Variants in FTSJ3 observed in about 807,000 individuals in gnomAD.
The protein encoded by FTSJ3 is FtsJ RNA 2'-O-methyltransferase 3.
In FTSJ3, 46 loss-of-function variants were observed where a neutral mutation model predicts 111.5. The ratio of observed to expected loss-of-function variants is 0.41; its 90% CI spans 0.33 to 0.53. The LOEUF is 0.53. FTSJ3 is among the 20% of genes least tolerant of loss of function. The pLI is 0.19. For synonymous variants in FTSJ3, 408 were observed against 383.0 expected (o/e 1.07, Z -0.76); for missense variants, 1,075 against 1,063.8 (o/e 1.01, Z -0.15).
At position 63,825,081 on chromosome 17, in the gene FTSJ3, G is replaced by C. The variant is rs779682028; in HGVS notation, c.678C>G (p.Thr226=). 6.2e-7 allele frequency: 1 copy of C among 1,614,088 alleles called. No individual in the cohort carries two copies. The highest frequency in any genetic ancestry group is 1.1e-5 in the South Asian group (1 of 91,078). The stretch of plus-strand genomic sequence containing the variant: ...TCTTCTTAGTAACCAATTCAGTAAC[G>C]GTCTTAGCCTGAACTTCAACCTCCT... ...AFKEVEVQAK[T]VTELVTKKKP... Residue 226 remains threonine, a synonymous_variant, in exon 8 of 21, where the codon ACC becomes ACG. Coordinates refer to ENST00000427159, the MANE Select transcript of FTSJ3 (RefSeq NM_017647.4).
rs778863367 is a variant in FTSJ3 at position 63,826,064 on chromosome 17, A to G, written c.292T>C (p.Cys98Arg). The change falls in exon 5 of 21, where the codon TGT becomes CGT. Residue 98 changes from cysteine (C) to arginine (R), a missense_variant. Around this residue, in one of 2 missense-constraint regions of FTSJ3, gnomAD observed 208 missense variants for 266.9 expected, o/e 0.78. Coordinates refer to ENST00000427159, the MANE Select transcript of FTSJ3 (RefSeq NM_017647.4). Reference protein sequence around the residue: ...TLQQDITTERCRQALRKELKT... With the variant: ...TLQQDITTERRRQALRKELKT... ...AGAGAGACTCCTATTACCTGCCTAC[A>G]ACGTTCTGTTGTGATGTCCTGCTGG... is the stretch of plus-strand genomic sequence containing the variant. 6.2e-7 allele frequency: 1 copy of G among 1,611,714 alleles called. No individual in the cohort carries two copies. The highest frequency in any genetic ancestry group is 8.5e-7 in the Non-Finnish European group (1 of 1,177,998).
chr17:63,819,705 G>C lies in FTSJ3; in HGVS notation c.*97C>G. 8.7e-7 allele frequency: 1 copy of C among 1,143,880 alleles called. No homozygotes were observed. Among genetic ancestry groups the C allele is most frequent in the Admixed American group, 2.2e-5 (1 of 44,690 alleles). The allele number at this position is 1,143,880 out of a possible 1,614,324, so 70.9% of individuals were successfully genotyped here. A position where few individuals can be genotyped will look rare whatever the true frequency, so the allele number is the denominator to read the frequency against. On this transcript the variant is annotated 3_prime_UTR_variant, in exon 21 of 21. Transcript: ENST00000427159. ...ACTGTTCTTCAGACAGCTGTGATGT[G>C]AGCAGGGGCTAGGCCGGTAATCAAG...
chr17:63,820,189 T>A lies in FTSJ3; in HGVS notation c.2257-16A>T, dbSNP rs2144601428. 7 of 1,613,988 alleles carry A rather than the reference T, an allele frequency of 4.3e-6. No individual in the cohort carries two copies. Among genetic ancestry groups the A allele is most frequent in the Non-Finnish European group, 5.9e-6 (7 of 1,179,944 alleles). On this transcript the variant is annotated splice_polypyrimidine_tract_variant and intron_variant, in intron 19 of 20. Coordinates refer to ENST00000427159, the MANE Select transcript of FTSJ3 (RefSeq NM_017647.4). ...TCTTCAGCATCTGCAAAGGAACCTG[T>A]CAGGTGACCTCTTCCCCATCCCCCC...
chr17:63,827,364 T>C lies in FTSJ3; in HGVS notation c.-339A>G, dbSNP rs2665834. The C allele has an allele frequency of 0.64, 838,928 of 1,321,048 alleles. 270,744 individuals carry two copies. The highest frequency in any genetic ancestry group is 0.9 in the African/African-American group (62,000 of 68,554). 81.8% of individuals were successfully genotyped at this position (1,321,048 alleles called of 1,614,324 possible). On this transcript the variant is annotated 5_prime_UTR_variant, in exon 1 of 21. Transcript: ENST00000427159. ...TCCCATCATGGTTCCCTTAGTGTGG[T>C]CTCGCCGCACACCCCGCCCATTGAC...
At position 63,826,793 on chromosome 17, in the gene FTSJ3, G is replaced by A. The variant is rs373960403; in HGVS notation, c.67+43C>T. ...TCGCAAAGAGCAGGCGAACCGGGCA[G>A]AGATCGCTCGCTCGCTCGCAGACTG... On this transcript the variant is annotated intron_variant, in intron 2 of 20. Transcript: ENST00000427159. 8 of 1,601,270 alleles carry A rather than the reference G, an allele frequency of 5.0e-6. No homozygotes were observed. In the African/African-American group the frequency reaches 9.4e-5, roughly 19 times the overall value.
At position 63,820,937 on chromosome 17, in the gene FTSJ3, C is replaced by G. The variant is rs749932773; in HGVS notation, c.1974G>C (p.Ala658=). The G allele has an allele frequency of 6.2e-7, 1 of 1,613,974 alleles. No homozygotes were observed. The highest frequency in any genetic ancestry group is 1.1e-5 in the South Asian group (1 of 91,082). The change falls in exon 18 of 21, where the codon GCG becomes GCC. Residue 658 remains alanine (A), a splice_region_variant and synonymous_variant. Transcript: ENST00000427159. The stretch of plus-strand genomic sequence containing the variant: ...CTTCGGGGTCCAGTATCCGATGTTT[C>G]GCTAGAGAGGGAAGGAGAAAGGTCA... ...GFEIVPIEDP[A]KHRILDPEGL... is the part of the protein sequence containing the mutation.
rs1423776905 is a variant in FTSJ3, at chr17:63,827,039, C to T, written c.-27+13G>A. ...CGCAGCAATTCCACCCCGCGCCCCT[C>T]TCCGCACACTACCTAGACCCAGAGC... On this transcript the variant is annotated intron_variant, in intron 1 of 20. Transcript: ENST00000427159. The T allele has an allele frequency of 5.0e-6, 4 of 802,064 alleles. No homozygotes were observed. In the East Asian group the frequency reaches 1.0e-4, roughly 20 times the overall value. The allele number at this position is 802,064 out of a possible 1,614,324, so 49.7% of individuals were successfully genotyped here.
rs2040106780 is a variant in FTSJ3, at chr17:63,826,571, C to A, written c.169G>T (p.Gly57Ter). The A allele has an allele frequency of 6.2e-7, 1 of 1,612,736 alleles. No individual in the cohort carries two copies. Residue 57 changes from glycine (G) to a stop codon, truncating the protein, a stop_gained, in exon 3 of 21, where the codon GGA becomes TGA. Transcript: ENST00000427159. LOFTEE classifies it high-confidence loss of function. ...CCTGTGGCGAGTGTTACGAACCATC[C>A]CCCTGGCGCAGCACACAGGTCCAGC... ...ALLDLCAAPGGWLQVAAKFMP... is the reference protein window; with the variant it reads ...ALLDLCAAPG
At chr17:63,825,937 C>CAG (rs2144610817) in intron 5 of FTSJ3, 119 bp downstream of exon 5, 1 of 808,076 alleles carries the variant, frequency 1.2e-6, no homozygotes, top group African/African-American at 1.7e-5. Context: ...TCTTGTCGTA[C>CAG]AGATGTCAGG....
In FTSJ3 at chr17:63,821,465, G is replaced by A; in HGVS notation, c.1775C>T (p.Pro592Leu). The change falls in exon 16 of 21, where the codon CCT becomes CTT. Residue 592 changes from proline (P) to leucine (L), a missense_variant. This residue lies in a region of FTSJ3 where 867 missense variants were observed against 796.9 expected (regional missense o/e 1.09). Transcript: ENST00000427159. Reference protein sequence around the residue: ...IMSPLYQDEAPKGTEASSGTE... With the variant: ...IMSPLYQDEALKGTEASSGTE... ...CCCCGAAGAAGCCTCTGTTCCCTTA[G>A]GGGCTTCATCTTGGTACAGGGGAGA... 6.2e-7 allele frequency: 1 copy of A among 1,614,200 alleles called. No homozygotes were observed. The highest frequency in any genetic ancestry group is 8.5e-7 in the Non-Finnish European group (1 of 1,180,044).
In FTSJ3 at chr17:63,820,929, C is replaced by T. The variant is rs763978409; in HGVS notation, c.1982G>A (p.Arg661Gln). ...AGCAAGGCCTTCGGGGTCCAGTATC[C>T]GATGTTTCGCTAGAGAGGGAAGGAG... ...IVPIEDPAKH[R>Q]ILDPEGLALG... is the part of the protein sequence containing the mutation. Residue 661 changes from arginine (R) to glutamine (Q), a missense_variant, in exon 18 of 21, where the codon CGG becomes CAG. Physicochemically the swap from Arg to Gln is conservative, Grantham distance 43. Transcript: ENST00000427159. 138 of 1,613,894 alleles carry T rather than the reference C, an allele frequency of 8.6e-5. No homozygotes were observed. Among genetic ancestry groups the T allele is most frequent in the Non-Finnish European group, 1.1e-4 (127 of 1,179,924 alleles).
At chr17:63,826,030 G>T in intron 5 of FTSJ3, 26 bp downstream of exon 5, 1 of 1,555,734 alleles carries the variant, frequency 6.4e-7, no homozygotes, top group Non-Finnish European at 8.8e-7. Context: ...GTATAAAGGG[G>T]GAAGGAAGAG....
intron 13 of FTSJ3, among the ~76,000 whole-genome samples, chr17:63,822,440 A>G (rs1314767213): frequency 6.6e-6 from 1 of 152,196 alleles, no homozygotes; most frequent in Admixed American, 6.5e-5. Flanking sequence ...CAGCCCACAT[A>G]GCACCAAATC....
rs964223295 is a variant in FTSJ3, at chr17:63,827,297, C to T, written c.-272G>A. 3 of 675,462 alleles carry T rather than the reference C, an allele frequency of 4.4e-6. No homozygotes were observed. The highest frequency in any genetic ancestry group is 1.8e-5 in the African/African-American group (1 of 55,406). 41.8% of individuals were successfully genotyped at this position (675,462 alleles called of 1,614,324 possible). ...ACACTGAGGAGGAGTTCTACTCCTT[C>T]CTCATCCCCTTCCAAAGCCCCTGAA... On this transcript the variant is annotated 5_prime_UTR_variant, in exon 1 of 21. Coordinates refer to ENST00000427159, the MANE Select transcript of FTSJ3 (RefSeq NM_017647.4).
rs2144614074 is a variant in FTSJ3, at chr17:63,827,463, T to A, written c.-438A>T. 1 of 1,551,730 alleles carries A rather than the reference T, an allele frequency of 6.4e-7. No individual in the cohort carries two copies. Among genetic ancestry groups the A allele is most frequent in the Middle Eastern group, 1.7e-4 (1 of 5,992 alleles). On this transcript the variant is annotated 5_prime_UTR_variant, in exon 1 of 21. Transcript: ENST00000427159. ...CGCTTGCGCGCCAAGACGGCTCGGA[T>A]GCCGGCGGTCTCTGCTGAAGAGAGA...
intron 5 of FTSJ3, 88 bp downstream of exon 5, chr17:63,825,967 CG>C (rs1262951105): frequency 1.1e-5 from 12 of 1,095,826 alleles, no homozygotes; most frequent in Non-Finnish European, 1.6e-5. Context: ...GCTCAAAGCA[CG>C]GTAAAAAGGA....
At chr17:63,825,789 A>G in intron 5 of FTSJ3, 154 bp from the exon 6 acceptor site, 1 of 664,520 alleles carries the variant, frequency 1.5e-6, no homozygotes, top group Admixed American at 2.7e-5. Context: ...GTATGTCTCT[A>G]CCTTCATGGA....
In FTSJ3 at chr17:63,823,932, C is replaced by T. The variant is rs1245439560; in HGVS notation, c.1175G>A (p.Arg392His). 1.9e-5 allele frequency: 30 copies of T among 1,614,126 alleles called. No individual in the cohort carries two copies. The highest frequency in any genetic ancestry group is 3.3e-5 in the Admixed American group (2 of 60,008). Residue 392 changes from arginine to histidine, a missense_variant, in exon 13 of 21, where the codon CGT (arginine) becomes CAT (histidine). Coordinates refer to ENST00000427159, the MANE Select transcript of FTSJ3 (RefSeq NM_017647.4). ...ACGCTCCCGCTGCTTTCTCTGCTCA[C>T]GCAACAGCTTCTTTTTCTTCCTGAG... ...ELKRKKKKLLREQRKQRERVE... is the reference protein window; with the variant it reads ...ELKRKKKKLLHEQRKQRERVE...
chr17:63,821,560 C>G lies in FTSJ3; in HGVS notation c.1680G>C (p.Lys560Asn). Residue 560 changes from lysine to asparagine, a missense_variant, in exon 16 of 21, where the codon AAG becomes AAC. Lys to Asn is a moderately conservative substitution (Grantham distance 94). Coordinates refer to ENST00000427159, the MANE Select transcript of FTSJ3 (RefSeq NM_017647.4). ...QAQLLFENRR[K>N]GRQQQQKQQL... is the part of the protein sequence containing the mutation. ...GCTGCTTCTGCTGCTGCTGCCGTCC[C>G]TTCCGCCGGTTCTCAAATAACAGCT... 1.2e-6 allele frequency: 2 copies of G among 1,614,126 alleles called. No individual in the cohort carries two copies. Among genetic ancestry groups the G allele is most frequent in the Non-Finnish European group, 1.7e-6 (2 of 1,180,038 alleles).
Sources: allele counts gnomAD v4.1 joint callset (sites outside exome capture counted in the v4.1 genomes callset), GRCh38; gene constraint gnomAD v4.1.1; regional missense constraint gnomAD v4.1.1; transcripts MANE v1.5; gene names NCBI Gene and HGNC (gene_info 2026-07-23, HGNC 2026-07-21).